MGAT4C: variants seen among roughly 807,000 people sequenced by gnomAD.
The protein encoded by MGAT4C is alpha-1,3-mannosyl-glycoprotein 4-beta-N-acetylglucosaminyltransferase C.
MGAT4C carries 19 observed loss-of-function variants against 40.1 expected under a neutral mutation model. That is an observed-to-expected ratio of 0.47 (90% confidence interval 0.33 to 0.70). The LOEUF (loss-of-function observed/expected upper bound fraction) is 0.70. Among genes scored for constraint, MGAT4C ranks in the 30% least tolerant of loss-of-function variants. The pLI, the probability that MGAT4C is intolerant of heterozygous loss-of-function variation, is 0.02. For synonymous variants in MGAT4C, 181 were observed against 187.1 expected, an observed-to-expected ratio of 0.97 and a Z score of 0.27; for missense variants, 491 against 563.2, an observed-to-expected ratio of 0.87 and a Z score of 1.30.
At chr12:86,366,300 T>C (rs1955594854) in intron 3 of MGAT4C, among the ~76,000 whole-genome samples, 1 of 152,320 alleles carries the variant, frequency 6.6e-6, no homozygotes, top group South Asian at 2.1e-4. Flanking sequence ...TTTTAAGGTT[T>C]CTATGTATAG....
At chr12:86,599,815 AG>A (rs1961696775) in intron 2 of MGAT4C, among the ~76,000 whole-genome samples, 1 of 152,178 alleles carries the variant, frequency 6.6e-6, no homozygotes, top group African/African-American at 2.4e-5. Context: ...AAAAGTGTAT[AG>A]TTTTACATAC....
chr12:86,477,493 C>T (rs76038815), intron 2 of MGAT4C, among the ~76,000 whole-genome samples: 9,823 of 151,986 alleles, frequency 0.065, 755 homozygotes, highest in East Asian at 0.23. Context: ...GCCTCAGCAT[C>T]ATGCAATACA....
intron 4 of MGAT4C, among the ~76,000 whole-genome samples, chr12:86,292,020 A>G (rs1953531206): frequency 6.6e-6 from 1 of 152,184 alleles, no homozygotes; most frequent in Non-Finnish European, 1.5e-5. Flanking sequence ...ACTTGTGTCC[A>G]CACAATTTTA....
chr12:86,025,739 A>G (rs1447648544), intron 2 of MGAT4C, among the ~76,000 whole-genome samples: 3 of 151,630 alleles, frequency 2.0e-5, no homozygotes, highest in Non-Finnish European at 4.4e-5. Flanking sequence ...TATCATATCT[A>G]TTTATTTATT....
At chr12:86,530,887 T>C (rs551898505) in intron 2 of MGAT4C, among the ~76,000 whole-genome samples, 6 of 152,208 alleles carry the variant, frequency 3.9e-5, no homozygotes, top group Non-Finnish European at 7.4e-5. Flanking sequence ...ATATACACTA[T>C]GTACAGCAAA....
At chr12:86,811,336 A>ATTTTTTTTTTTTTTTTTTT (rs553885593) in intron 1 of MGAT4C, among the ~76,000 whole-genome samples, 5 of 106,946 alleles carry the variant, frequency 4.7e-5, no homozygotes, top group Non-Finnish European at 5.9e-5. Context: ...CACTCATAGT[A>ATTTTTTTTTTTTTTTTTTT]TTTTTTTTTT....
chr12:86,023,496 A>G (rs1889962723), intron 2 of MGAT4C, among the ~76,000 whole-genome samples: 2 of 151,140 alleles, frequency 1.3e-5, no homozygotes, highest in South Asian at 4.2e-4. Context: ...GTGAAGCTAG[A>G]TTTTATATTA....
At chr12:86,675,560 A>G (rs1422136984) in intron 2 of MGAT4C, among the ~76,000 whole-genome samples, 2 of 152,196 alleles carry the variant, frequency 1.3e-5, no homozygotes, top group Non-Finnish European at 2.9e-5. Flanking sequence ...GCTATACCAG[A>G]CCAGTGGTTC....
chr12:86,608,479 G>A (rs1324516169), intron 2 of MGAT4C, among the ~76,000 whole-genome samples: 1 of 152,040 alleles, frequency 6.6e-6, no homozygotes, highest in Non-Finnish European at 1.5e-5. Context: ...TTAGGAGGCT[G>A]ATTTGGAAGA....
At chr12:86,225,213 A>G (rs1343507416) in intron 1 of MGAT4C, among the ~76,000 whole-genome samples, 1 of 152,096 alleles carries the variant, frequency 6.6e-6, no homozygotes, top group Non-Finnish European at 1.5e-5. Context: ...GTAAATTATT[A>G]AAAACATACA....
At chr12:86,123,299 G>T (rs1467921245) in intron 1 of MGAT4C, among the ~76,000 whole-genome samples, 1 of 152,118 alleles carries the variant, frequency 6.6e-6, no homozygotes, top group Non-Finnish European at 1.5e-5. Context: ...TGCTGGGAGT[G>T]ATTTGAAACA....
rs186314181 is a variant in MGAT4C, at chr12:86,238,611, G to T, written c.-57+17628C>A. Among the ~76,000 whole-genome samples, 321 of 152,042 alleles carry T rather than the reference G, an allele frequency of 2.1e-3. 1 individual carries two copies. Among genetic ancestry groups the T allele is most frequent in the African/African-American group, 7.3e-3 (305 of 41,522 alleles). On this transcript the variant is annotated intron_variant, in intron 1 of 4. Coordinates refer to ENST00000611864, the MANE Select transcript of MGAT4C (RefSeq NM_001351288.2). ...TTGTATTGTATGCCATCTTCAAATT[G>T]TTGAGCCTTTTTACTCAATAATCAA...
chr12:85,964,279 T>A lies in MGAT4C; in HGVS notation c.*15010A>T, dbSNP rs1883251075. On this transcript the variant is annotated 3_prime_UTR_variant, in exon 5 of 5. Coordinates refer to ENST00000611864, the MANE Select transcript of MGAT4C (RefSeq NM_001351288.2). ...AAATTCTTGGATTTTGAAATTAGTT[T>A]AATTCCAAAATATTTTCTTTATTTT... 1.3e-5 allele frequency: 2 copies of A among 152,256 alleles called. No homozygotes were observed. The highest frequency in any genetic ancestry group is 4.1e-4 in the South Asian group (2 of 4,824). The allele number at this position is 152,256 out of a possible 1,614,324, so 9.4% of individuals were successfully genotyped here. A position where few individuals can be genotyped will look rare whatever the true frequency, so the allele number is the denominator to read the frequency against.
At chr12:86,203,222 A>T (rs839152) in intron 1 of MGAT4C, among the ~76,000 whole-genome samples, 115,541 of 151,982 alleles carry the variant, frequency 0.76, 44,385 homozygotes, top group Middle Eastern at 0.83. Context: ...ATTTTTGTTA[A>T]CTTCTTAATT....
At chr12:86,265,426 T>TC (rs1952761768) in intron 4 of MGAT4C, among the ~76,000 whole-genome samples, 1 of 152,220 alleles carries the variant, frequency 6.6e-6, no homozygotes, top group Non-Finnish European at 1.5e-5. Flanking sequence ...GGGTGTCCTT[T>TC]CCCCAATGTG....
At chr12:86,202,625 C>G (rs1593223111) in intron 1 of MGAT4C, among the ~76,000 whole-genome samples, 2 of 152,040 alleles carry the variant, frequency 1.3e-5, no homozygotes, top group Non-Finnish European at 2.9e-5. Context: ...TAGAACCACA[C>G]TCATTGCTAT....
chr12:86,554,336 T>C (rs1284529654), intron 2 of MGAT4C, among the ~76,000 whole-genome samples: 1 of 152,246 alleles, frequency 6.6e-6, no homozygotes, highest in Non-Finnish European at 1.5e-5. Flanking sequence ...ACTAGTGCTC[T>C]ATTATTAAAT....
intron 1 of MGAT4C, among the ~76,000 whole-genome samples, chr12:86,824,531 A>T (rs1952765665): frequency 6.6e-6 from 1 of 151,242 alleles, no homozygotes; most frequent in Non-Finnish European, 1.5e-5. Flanking sequence ...TTAAGCATCT[A>T]CTGGGGGTCT....
chr12:86,822,525 A>C (rs1952723181), intron 1 of MGAT4C, among the ~76,000 whole-genome samples: 1 of 150,400 alleles, frequency 6.6e-6, no homozygotes. Context: ...GGGAACAAAA[A>C]GAAAGCAGGG....
Sources: gnomAD v4.1 joint callset for allele counts (sites outside exome capture counted in the v4.1 genomes callset) on GRCh38, gnomAD v4.1.1 for gene constraint, MANE v1.5 for transcripts, NCBI Gene and HGNC (gene_info 2026-07-23, HGNC 2026-07-21) for gene names.